PLEKHA5: variants seen among roughly 807,000 people sequenced by gnomAD.
PLEKHA5 encodes pleckstrin homology domain-containing family A member 5.
A neutral mutation model predicts 181.9 loss-of-function variants in PLEKHA5; 55 were observed. That is an observed-to-expected ratio of 0.30 (90% CI 0.24 to 0.38). The LOEUF (loss-of-function observed/expected upper bound fraction) is 0.38, where lower values mean the gene tolerates loss of function less well. Among genes scored for constraint, PLEKHA5 ranks in the 10% least tolerant of loss-of-function variants. PLEKHA5 has a pLI of 1.00. For missense variants in PLEKHA5, 1,432 were observed against 1,549.5 expected (o/e 0.92, Z 1.27); for synonymous variants, 535 against 529.4 (o/e 1.01, Z -0.15).
At chr12:19,202,041 T>A in intron 3 of PLEKHA5, 1 of 956,374 alleles carries the variant, frequency 1.0e-6, no homozygotes, top group Non-Finnish European at 1.2e-6. Flanking sequence ...CGTTCTTAAT[T>A]ATTCCCTTCA....
chr12:19,205,445 T>A, intron 3 of PLEKHA5: 1 of 878,824 alleles, frequency 1.1e-6, no homozygotes, highest in Non-Finnish European at 1.4e-6. Context: ...GGCTATTTGG[T>A]GAGTTAATTG....
chr12:19,337,664 A>T (rs1274883714), intron 21 of PLEKHA5, among the ~76,000 whole-genome samples: 1 of 152,134 alleles, frequency 6.6e-6, no homozygotes, highest in Non-Finnish European at 1.5e-5. Flanking sequence ...TTATGACCCA[A>T]TGTAAATTTG....
At chr12:19,173,048 GCT>G (rs2046348010) in intron 3 of PLEKHA5, among the ~76,000 whole-genome samples, 1 of 95,774 alleles carries the variant, frequency 1.0e-5, no homozygotes, top group Non-Finnish European at 1.9e-5. Context: ...ACGGAGTCTC[GCT>G]CTGTCGCCCA....
At chr12:19,361,966 T>G (rs1565665829) in intron 29 of PLEKHA5, among the ~76,000 whole-genome samples, 2 of 151,918 alleles carry the variant, frequency 1.3e-5, no homozygotes. Flanking sequence ...AGCCCAGGAA[T>G]TCAAGACCAG....
chr12:19,349,225 C>T (rs1486861687), intron 25 of PLEKHA5, among the ~76,000 whole-genome samples: 1 of 152,002 alleles, frequency 6.6e-6, no homozygotes, highest in Non-Finnish European at 1.5e-5. Flanking sequence ...CGGTGATCCT[C>T]TCACTTCAGC....
intron 13 of PLEKHA5, among the ~76,000 whole-genome samples, chr12:19,287,832 A>G (rs2077542487): frequency 6.6e-6 from 1 of 152,004 alleles, no homozygotes; most frequent in African/African-American, 2.4e-5. Flanking sequence ...TAATCCCAGC[A>G]CTTTGGGAGG....
chr12:19,355,442 C>T (rs985290769), intron 26 of PLEKHA5, among the ~76,000 whole-genome samples: 7 of 147,712 alleles, frequency 4.7e-5, no homozygotes, highest in African/African-American at 1.5e-4. Context: ...GCCTCCAACT[C>T]GTGGACTCAA....
intron 3 of PLEKHA5, among the ~76,000 whole-genome samples, chr12:19,247,746 T>C (rs2064107680): frequency 6.6e-6 from 1 of 151,622 alleles, no homozygotes. Flanking sequence ...TTGGTATCTT[T>C]TCTTTTTTTA....
chr12:19,313,176 A>G (rs1368588829), intron 15 of PLEKHA5, among the ~76,000 whole-genome samples: 1 of 152,114 alleles, frequency 6.6e-6, no homozygotes, highest in Non-Finnish European at 1.5e-5. Flanking sequence ...GGAGTTCAAG[A>G]CCAGCCTGGG....
chr12:19,353,098 C>T (rs1282726148), intron 25 of PLEKHA5, among the ~76,000 whole-genome samples: 1 of 150,212 alleles, frequency 6.7e-6, no homozygotes, highest in African/African-American at 2.4e-5. Context: ...AAATATAACC[C>T]TAAATTTATC....
chr12:19,320,769 A>G, intron 18 of PLEKHA5, 145 bp downstream of exon 18: 1 of 488,712 alleles, frequency 2.0e-6, no homozygotes, highest in Non-Finnish European at 3.7e-6. Context: ...GTGTGCTCTA[A>G]ATTATTATTC....
At chr12:19,370,480 T>C (rs1166829179) in intron 31 of PLEKHA5, among the ~76,000 whole-genome samples, 1 of 152,158 alleles carries the variant, frequency 6.6e-6, no homozygotes, top group African/African-American at 2.4e-5. Context: ...TTAGTACTTA[T>C]AGCGTACTCT....
Position 19,283,292 on chromosome 12 carries a change from C to T in PLEKHA5, c.1326C>T (p.Tyr442=), listed in dbSNP as rs1302839786. ...TTTTTTATTTTAGAGTAATTTCTTA[C>T]CAAACATTACCAAGAAATATGCCAA... The part of the protein sequence containing the change: ...HEEETRGVIS[Y]QTLPRNMPSH... Residue 442 remains tyrosine, a synonymous_variant, in exon 12 of 32, where the codon TAC becomes TAT. Coordinates refer to ENST00000429027, the MANE Select transcript of PLEKHA5 (RefSeq NM_001256470.2). 6.3e-7 allele frequency: 1 copy of T among 1,595,318 alleles called. No individual in the cohort carries two copies. The highest frequency in any genetic ancestry group is 8.5e-7 in the Non-Finnish European group (1 of 1,169,772).
intron 26 of PLEKHA5, among the ~76,000 whole-genome samples, chr12:19,355,719 A>G (rs764513051): frequency 2.6e-5 from 4 of 152,164 alleles, no homozygotes; most frequent in Non-Finnish European, 5.9e-5. Flanking sequence ...TAAAGATAAT[A>G]TATCAGCATT....
chr12:19,226,194 A>G (rs2059660656), intron 3 of PLEKHA5, among the ~76,000 whole-genome samples: 1 of 152,172 alleles, frequency 6.6e-6, no homozygotes, highest in Non-Finnish European at 1.5e-5. Context: ...ATTCTACAAT[A>G]TGTGATCTTT....
At chr12:19,355,411 G>A (rs2094872534) in intron 26 of PLEKHA5, among the ~76,000 whole-genome samples, 1 of 148,256 alleles carries the variant, frequency 6.7e-6, no homozygotes, top group South Asian at 2.1e-4. Flanking sequence ...AAGTGCAGTG[G>A]CATGATCATA....
intron 13 of PLEKHA5, among the ~76,000 whole-genome samples, chr12:19,287,898 T>C (rs559810946): frequency 6.6e-6 from 1 of 151,830 alleles, no homozygotes; most frequent in Non-Finnish European, 1.5e-5. Flanking sequence ...GGCCAACATG[T>C]TGAAACCCCA....
At chr12:19,134,276 A>C (rs1269091272) in intron 3 of PLEKHA5, among the ~76,000 whole-genome samples, 1 of 152,066 alleles carries the variant, frequency 6.6e-6, no homozygotes. Flanking sequence ...TCTAATGCCT[A>C]AGTAGGTTTC....
At chr12:19,185,957 A>G (rs2049771506) in intron 3 of PLEKHA5, among the ~76,000 whole-genome samples, 1 of 152,210 alleles carries the variant, frequency 6.6e-6, no homozygotes. Context: ...AGTCTCTTTC[A>G]TAAGAATATC....
Sources: allele counts gnomAD v4.1 joint callset (sites outside exome capture counted in the v4.1 genomes callset), GRCh38; gene constraint gnomAD v4.1.1; transcripts MANE v1.5; gene names NCBI Gene and HGNC (gene_info 2026-07-23, HGNC 2026-07-21).